Variants in DYNC1I1 observed in about 807,000 individuals in gnomAD.
DYNC1I1 encodes cytoplasmic dynein 1 intermediate chain 1.
In DYNC1I1, 43 loss-of-function variants were observed where a neutral mutation model predicts 86.6. The observed-to-expected ratio is 0.50, with a 90% confidence interval of 0.39 to 0.64. The LOEUF (loss-of-function observed/expected upper bound fraction) is 0.64. Ranked by LOEUF, DYNC1I1 falls within the 30% of genes least tolerant of loss-of-function variation. The probability of loss-of-function intolerance (pLI) is 0.00; values close to 1 mark genes in which losing one functional copy is unlikely to be tolerated. For missense variants in DYNC1I1, 604 were observed against 788.8 expected, an observed-to-expected ratio of 0.77 and a Z score of 2.81; for synonymous variants, 262 against 283.7, an observed-to-expected ratio of 0.92 and a Z score of 0.77.
chr7:95,922,829 T>C (rs559382297), intron 6 of DYNC1I1, among the ~76,000 whole-genome samples: 1 of 152,160 alleles, frequency 6.6e-6, no homozygotes, highest in East Asian at 1.9e-4. Context: ...AGCCTTCCAG[T>C]CCTTCTTAGT....
intron 14 of DYNC1I1, among the ~76,000 whole-genome samples, chr7:96,045,471 T>C (rs1789182081): frequency 6.6e-6 from 1 of 151,978 alleles, no homozygotes; most frequent in Non-Finnish European, 1.5e-5. Context: ...CTCAGTGAAT[T>C]AGGAGGAGAC....
chr7:95,922,080 T>C (rs1191790800), intron 6 of DYNC1I1, among the ~76,000 whole-genome samples: 2 of 152,186 alleles, frequency 1.3e-5, no homozygotes, highest in Admixed American at 6.5e-5. Flanking sequence ...ATAGTAGCAA[T>C]TAAAAAATAT....
chr7:96,101,694 C>T (rs970949307), downstream of DYNC1I1, among the ~76,000 whole-genome samples: 9 of 152,180 alleles, frequency 5.9e-5, no homozygotes, highest in African/African-American at 1.4e-4. Context: ...TGGGTCATTC[C>T]GTCATTCCTC....
At chr7:96,099,654 T>C (rs73708473), downstream of DYNC1I1, among the ~76,000 whole-genome samples, 3,322 of 152,240 alleles carry the variant, frequency 0.022, 113 homozygotes, top group African/African-American at 0.076. Flanking sequence ...AGAGATGATC[T>C]CTTTCATGTC....
chr7:96,082,656 A>AT (rs1247902005), intron 16 of DYNC1I1, among the ~76,000 whole-genome samples: 1 of 152,212 alleles, frequency 6.6e-6, no homozygotes, highest in Non-Finnish European at 1.5e-5. Context: ...ACATACATTC[A>AT]TACACACTGT....
At chr7:95,943,240 G>A (rs886320331) in intron 6 of DYNC1I1, among the ~76,000 whole-genome samples, 5 of 151,762 alleles carry the variant, frequency 3.3e-5, no homozygotes, top group Non-Finnish European at 7.4e-5. Flanking sequence ...CAGACAAACA[G>A]AGAGCCAAAT....
chr7:95,870,950 T>G (rs1285039370), intron 6 of DYNC1I1, among the ~76,000 whole-genome samples: 2 of 152,234 alleles, frequency 1.3e-5, no homozygotes, highest in Non-Finnish European at 2.9e-5. Flanking sequence ...GAAGAGGATG[T>G]TGGAATTCTG....
chr7:96,025,456 A>T (rs1011739106), intron 10 of DYNC1I1, among the ~76,000 whole-genome samples: 122 of 152,222 alleles, frequency 8.0e-4, no homozygotes, highest in Non-Finnish European at 1.6e-4. Flanking sequence ...AATCTTATTT[A>T]TCATGGTTAT....
chr7:95,974,180 C>T (rs1037040206), intron 6 of DYNC1I1, among the ~76,000 whole-genome samples: 1 of 152,082 alleles, frequency 6.6e-6, no homozygotes, highest in East Asian at 1.9e-4. Context: ...TTGTATTTTC[C>T]CCCATAGCAT....
intron 6 of DYNC1I1, among the ~76,000 whole-genome samples, chr7:95,898,317 A>G (rs1041506534): frequency 6.6e-6 from 1 of 152,186 alleles, no homozygotes; most frequent in Non-Finnish European, 1.5e-5. Flanking sequence ...TCACCATTGA[A>G]TTTAGATTGT....
Position 95,948,449 on chromosome 7 carries a change from C to T in DYNC1I1, c.491-29063C>T, listed in dbSNP as rs1195404863. On this transcript the variant is annotated intron_variant, in intron 6 of 16. Transcript: ENST00000447467. ...CTATCATCAGTATGGACTCAAGCTG[C>T]ATTATTGAGGTCCCAAGAACACATC... 2.6e-5 allele frequency among the ~76,000 whole-genome samples: 4 copies of T among 152,130 alleles called. No individual in the cohort carries two copies. In the East Asian group the frequency reaches 5.8e-4, roughly 22 times the overall value.
chr7:95,927,351 A>G (rs1791773057), intron 6 of DYNC1I1, among the ~76,000 whole-genome samples: 1 of 152,194 alleles, frequency 6.6e-6, no homozygotes, highest in Admixed American at 6.5e-5. Flanking sequence ...GAACATAACA[A>G]TAGTCAGAAG....
At chr7:96,096,613 C>T (rs1791014358) in intron 16 of DYNC1I1, among the ~76,000 whole-genome samples, 1 of 151,942 alleles carries the variant, frequency 6.6e-6, no homozygotes, top group South Asian at 2.1e-4. Flanking sequence ...TCCTTTAAAA[C>T]GACTAACAAA....
At chr7:96,096,251 C>A (rs979646650) in intron 16 of DYNC1I1, among the ~76,000 whole-genome samples, 2 of 151,996 alleles carry the variant, frequency 1.3e-5, no homozygotes, top group Middle Eastern at 3.2e-3. Context: ...TCATTTGGCT[C>A]TGTGTGGTGG....
At chr7:95,847,035 T>C (rs1003747945) in intron 5 of DYNC1I1, among the ~76,000 whole-genome samples, 2 of 152,194 alleles carry the variant, frequency 1.3e-5, no homozygotes, top group African/African-American at 4.8e-5. Context: ...ATCCACCAAG[T>C]ATGCATTTTG....
intron 1 of DYNC1I1, among the ~76,000 whole-genome samples, chr7:95,775,824 C>T (rs755526995): frequency 2.6e-5 from 4 of 152,174 alleles, no homozygotes; most frequent in Non-Finnish European, 5.9e-5. Context: ...CATATATTCT[C>T]CTGGGAACTG....
intron 1 of DYNC1I1, among the ~76,000 whole-genome samples, chr7:95,784,307 AATG>A (rs2115670728): frequency 6.6e-6 from 1 of 152,310 alleles, no homozygotes; most frequent in South Asian, 2.1e-4. Flanking sequence ...ATGTGGTATA[AATG>A]AATTGTGACT....
chr7:96,032,161 G>A (rs961156295), intron 11 of DYNC1I1, among the ~76,000 whole-genome samples: 3 of 152,136 alleles, frequency 2.0e-5, no homozygotes, highest in African/African-American at 7.2e-5. Flanking sequence ...GATTAAAATG[G>A]TTATGAATAT....
intron 7 of DYNC1I1, 143 bp downstream of exon 7, chr7:95,977,744 C>A: frequency 1.7e-6 from 1 of 604,786 alleles, no homozygotes; most frequent in Non-Finnish European, 2.7e-6. Context: ...CAATACATTA[C>A]ATTTAGCAAC....
Sources: gnomAD v4.1 joint callset for allele counts (sites outside exome capture counted in the v4.1 genomes callset) on GRCh38, gnomAD v4.1.1 for gene constraint, MANE v1.5 for transcripts, NCBI Gene and HGNC (gene_info 2026-07-23, HGNC 2026-07-21) for gene names.